Variants in CNTNAP2 observed in about 807,000 individuals in gnomAD.
The protein encoded by CNTNAP2 is contactin associated protein 2.
CNTNAP2 carries 98 observed loss-of-function variants against 155.2 expected under a neutral mutation model. That is an observed-to-expected ratio of 0.63 (90% CI 0.54 to 0.75). CNTNAP2 has a LOEUF of 0.75. CNTNAP2 is among the 30% of genes least tolerant of loss of function. The probability of loss-of-function intolerance (pLI) is 0.00; values close to 1 mark genes in which losing one functional copy is unlikely to be tolerated. For missense variants in CNTNAP2, 1,727 were observed against 1,688.1 expected, an observed-to-expected ratio of 1.02 and a Z score of -0.40; for synonymous variants, 651 against 631.2, an observed-to-expected ratio of 1.03 and a Z score of -0.47.
chr7:146,976,035 C>A (rs768378890), intron 3 of CNTNAP2, among the ~76,000 whole-genome samples: 1 of 152,172 alleles, frequency 6.6e-6, no homozygotes, highest in Non-Finnish European at 1.5e-5. Flanking sequence ...ATTGTGGACA[C>A]AACCAGGAAA....
chr7:146,944,805 G>T (rs1797128227), intron 3 of CNTNAP2, among the ~76,000 whole-genome samples: 1 of 152,016 alleles, frequency 6.6e-6, no homozygotes, highest in South Asian at 2.1e-4. Context: ...GTGAACCCAG[G>T]AGGCGGAGCT....
At chr7:146,194,239 T>C (rs138286633) in intron 1 of CNTNAP2, among the ~76,000 whole-genome samples, 3,149 of 152,310 alleles carry the variant, frequency 0.021, 96 homozygotes, top group African/African-American at 0.066. Context: ...ACCAATTTAC[T>C]GTATTAGTCT....
At chr7:147,895,992 C>G (rs1430272408) in intron 13 of CNTNAP2, among the ~76,000 whole-genome samples, 1 of 152,190 alleles carries the variant, frequency 6.6e-6, no homozygotes, top group Non-Finnish European at 1.5e-5. Context: ...TGTATTTTAA[C>G]TTATTTTCCT....
At chr7:146,395,280 G>C (rs1000473237) in intron 1 of CNTNAP2, among the ~76,000 whole-genome samples, 3 of 152,098 alleles carry the variant, frequency 2.0e-5, no homozygotes, top group African/African-American at 7.2e-5. Context: ...CTCAGAGCTA[G>C]TAAGTGGTGG....
intron 1 of CNTNAP2, among the ~76,000 whole-genome samples, chr7:146,752,881 T>C (rs991665435): frequency 2.0e-5 from 3 of 152,176 alleles, no homozygotes; most frequent in Admixed American, 2.0e-4. Context: ...TAGCCAAAAA[T>C]TGGTTTAAGT....
chr7:146,917,011 G>A (rs913602161), intron 3 of CNTNAP2, among the ~76,000 whole-genome samples: 8 of 152,040 alleles, frequency 5.3e-5, no homozygotes, highest in South Asian at 4.1e-4. Context: ...GTTTTGATAC[G>A]TTGTGTCACT....
At chr7:147,913,196 A>G (rs1265877573) in intron 14 of CNTNAP2, among the ~76,000 whole-genome samples, 1 of 152,248 alleles carries the variant, frequency 6.6e-6, no homozygotes, top group African/African-American at 2.4e-5. Context: ...GTTTAAATCC[A>G]GATTTATTGG....
intron 13 of CNTNAP2, among the ~76,000 whole-genome samples, chr7:147,847,280 G>A (rs1798827719): frequency 4.1e-5 from 2 of 48,818 alleles, no homozygotes; most frequent in African/African-American, 9.8e-5. Flanking sequence ...ATATTTCTTG[G>A]AGGCTTTGCT....
chr7:146,638,476 C>CTTTTTTTTTTTTT lies in CNTNAP2; in HGVS notation c.98-135785_98-135773dup, dbSNP rs879600389. Among the ~76,000 whole-genome samples, 79 of 64,346 alleles carry CTTTTTTTTTTTTT rather than the reference C, an allele frequency of 1.2e-3. 7 individuals carry two copies. The highest frequency in any genetic ancestry group is 8.5e-3 in the East Asian group (16 of 1,884). The allele number at this position is 64,346 out of a possible 152,430, so 42.2% of individuals were successfully genotyped here. ...AACAGTTTAATACAGTCAGGTGTTT[C>CTTTTTTTTTTTTT]TTTTTTTTTTTTTTTTTTTTTTCTT... On this transcript the variant is annotated intron_variant, in intron 1 of 23. Coordinates refer to ENST00000361727, the MANE Select transcript of CNTNAP2 (RefSeq NM_014141.6).
chr7:148,365,872 A>G lies in CNTNAP2; in HGVS notation c.3476-17777A>G, dbSNP rs1279306254. Among the ~76,000 whole-genome samples, 2 of 87,638 alleles carry G rather than the reference A, an allele frequency of 2.3e-5. 1 individual carries two copies. Among genetic ancestry groups the G allele is most frequent in the African/African-American group, 1.1e-4 (2 of 18,676 alleles). 57.5% of individuals were successfully genotyped at this position (87,638 alleles called of 152,430 possible). A position where few individuals can be genotyped will look rare whatever the true frequency, so the allele number is the denominator to read the frequency against. ...TGTATGCATGTATACATGTATGTGT[A>G]TGCATGTATACATGTATGTGTATGC... is the stretch of plus-strand genomic sequence containing the variant. On this transcript the variant is annotated intron_variant, in intron 21 of 23. Transcript: ENST00000361727.
chr7:146,546,742 A>G (rs1004117028), intron 1 of CNTNAP2, among the ~76,000 whole-genome samples: 1 of 151,918 alleles, frequency 6.6e-6, no homozygotes, highest in African/African-American at 2.4e-5. Flanking sequence ...GCAAAAGCAC[A>G]TCTTACATGG....
chr7:147,754,345 C>T (rs1393119696), intron 13 of CNTNAP2, among the ~76,000 whole-genome samples: 1 of 152,146 alleles, frequency 6.6e-6, no homozygotes, highest in East Asian at 1.9e-4. Context: ...GTATTCTGTC[C>T]TTTTAGTAGA....
chr7:146,600,094 A>G (rs186427459), intron 1 of CNTNAP2, among the ~76,000 whole-genome samples: 1 of 152,142 alleles, frequency 6.6e-6, no homozygotes, highest in Admixed American at 6.6e-5. Flanking sequence ...TTTTTCCCAC[A>G]CAATACTGGT....
chr7:147,734,749 G>T (rs1387015088), intron 13 of CNTNAP2, among the ~76,000 whole-genome samples: 1 of 152,170 alleles, frequency 6.6e-6, no homozygotes, highest in African/African-American at 2.4e-5. Context: ...TCTTGGAAGG[G>T]TGTATGTGTC....
chr7:146,837,877 T>C (rs1286300531), intron 2 of CNTNAP2, among the ~76,000 whole-genome samples: 1 of 152,194 alleles, frequency 6.6e-6, no homozygotes, highest in Non-Finnish European at 1.5e-5. Context: ...CAATTTTGTC[T>C]AGTCTGAAAT....
chr7:148,028,194 T>C (rs986326154), intron 15 of CNTNAP2, among the ~76,000 whole-genome samples: 3 of 152,174 alleles, frequency 2.0e-5, no homozygotes, highest in African/African-American at 7.2e-5. Flanking sequence ...AGTATATCCC[T>C]CTAAAAACAA....
At chr7:147,639,831 G>A (rs929706002) in intron 13 of CNTNAP2, among the ~76,000 whole-genome samples, 3 of 152,216 alleles carry the variant, frequency 2.0e-5, no homozygotes, top group African/African-American at 7.2e-5. Flanking sequence ...GTGTGTGTGT[G>A]AGTGTGCACA....
At chr7:146,938,764 A>G (rs894646949) in intron 3 of CNTNAP2, among the ~76,000 whole-genome samples, 1 of 152,126 alleles carries the variant, frequency 6.6e-6, no homozygotes, top group Non-Finnish European at 1.5e-5. Flanking sequence ...TCGAGGGACA[A>G]AAAATTACGC....
chr7:146,838,994 A>T (rs1170284614), intron 2 of CNTNAP2, among the ~76,000 whole-genome samples: 2 of 152,182 alleles, frequency 1.3e-5, no homozygotes, highest in African/African-American at 4.8e-5. Flanking sequence ...ATATTGATCT[A>T]TATGAGTGCC....
Sources: allele counts gnomAD v4.1 joint callset (sites outside exome capture counted in the v4.1 genomes callset), GRCh38; gene constraint gnomAD v4.1.1; transcripts MANE v1.5; gene names NCBI Gene and HGNC (gene_info 2026-07-23, HGNC 2026-07-21).